The following BACH2 variants were observed in gnomAD, a reference collection of about 807,000 sequenced individuals.
The protein encoded by BACH2 is transcription regulator protein BACH2.
BACH2 carries 5 observed loss-of-function variants against 61.8 expected under a neutral mutation model. That is an observed-to-expected ratio of 0.08 (90% CI 0.04 to 0.17). BACH2 has a LOEUF of 0.17. BACH2 is among the 10% of genes least tolerant of loss of function. The pLI, the probability that BACH2 is intolerant of heterozygous loss-of-function variation, is 1.00. For missense variants in BACH2, 824 were observed against 1,091.1 expected, an observed-to-expected ratio of 0.76 and a Z score of 3.45; for synonymous variants, 446 against 440.1, an observed-to-expected ratio of 1.01 and a Z score of -0.17.
intron 5 of BACH2, among the ~76,000 whole-genome samples, chr6:90,013,211 T>C (rs2127782298): frequency 6.6e-6 from 1 of 152,332 alleles, no homozygotes; most frequent in East Asian, 1.9e-4. Flanking sequence ...ATGTTGTCTG[T>C]GAATAAAGAT....
At chr6:89,953,603 C>A (rs1190229808) in intron 6 of BACH2, among the ~76,000 whole-genome samples, 2 of 152,194 alleles carry the variant, frequency 1.3e-5, no homozygotes, top group Non-Finnish European at 2.9e-5. Context: ...TCCTTCAGAT[C>A]AGGAATGGTT....
chr6:90,252,023 C>A (rs1381645383), intron 3 of BACH2, among the ~76,000 whole-genome samples: 1 of 152,114 alleles, frequency 6.6e-6, no homozygotes, highest in Non-Finnish European at 1.5e-5. Context: ...TGACTATGCT[C>A]AAATACACTG....
chr6:89,986,607 G>T lies in BACH2; in HGVS notation c.243+21995C>A, dbSNP rs140636666. 6.6e-3 allele frequency among the ~76,000 whole-genome samples: 1,010 copies of T among 152,080 alleles called. 10 individuals are homozygous for T. Among genetic ancestry groups the T allele is most frequent in the Non-Finnish European group, 0.01 (703 of 67,972 alleles). On this transcript the variant is annotated intron_variant, in intron 6 of 8. Coordinates refer to ENST00000257749, the MANE Select transcript of BACH2 (RefSeq NM_021813.4). ...GTCACTAAATTTGAATGTTTAGGTG[G>T]CACTTAAAAAACCTTTCCACCCGCT... is the stretch of plus-strand genomic sequence containing the variant.
At chr6:90,006,640 C>A (rs537603819) in intron 6 of BACH2, among the ~76,000 whole-genome samples, 1 of 152,090 alleles carries the variant, frequency 6.6e-6, no homozygotes, top group South Asian at 2.1e-4. Flanking sequence ...TTTTGAGACA[C>A]GTTCTCACTC....
intron 4 of BACH2, among the ~76,000 whole-genome samples, chr6:90,098,290 C>A (rs1404984034): frequency 1.3e-5 from 2 of 151,790 alleles, no homozygotes; most frequent in African/African-American, 4.8e-5. Context: ...CCGCAACCCC[C>A]ACCCTTCCCT....
intron 3 of BACH2, among the ~76,000 whole-genome samples, chr6:90,214,266 C>T (rs1031832635): frequency 6.6e-6 from 1 of 152,038 alleles, no homozygotes; most frequent in Non-Finnish European, 1.5e-5. Flanking sequence ...GTTTACTAAC[C>T]ATGTCTTATT....
intron 5 of BACH2, among the ~76,000 whole-genome samples, chr6:90,081,542 A>G (rs1185223616): frequency 1.3e-5 from 2 of 152,190 alleles, no homozygotes; most frequent in Non-Finnish European, 2.9e-5. Flanking sequence ...GAAGAGCCAC[A>G]GAAATATTAA....
At chr6:89,970,276 T>G (rs1402890163) in intron 6 of BACH2, among the ~76,000 whole-genome samples, 1 of 152,190 alleles carries the variant, frequency 6.6e-6, no homozygotes, top group Non-Finnish European at 1.5e-5. Context: ...CTGTTCCCAG[T>G]TCTGTGCCCC....
intron 1 of BACH2, among the ~76,000 whole-genome samples, chr6:90,280,332 T>C (rs1486239467): frequency 6.6e-6 from 1 of 151,900 alleles, no homozygotes; most frequent in Admixed American, 6.6e-5. Flanking sequence ...CAACGTTATG[T>C]AATATTTTAA....
chr6:89,944,516 T>G (rs889941502), intron 7 of BACH2, among the ~76,000 whole-genome samples: 2 of 152,228 alleles, frequency 1.3e-5, no homozygotes, highest in African/African-American at 4.8e-5. Context: ...TTACAGACAC[T>G]TCTAAAAACT....
intron 3 of BACH2, among the ~76,000 whole-genome samples, chr6:90,234,499 A>C (rs1409092897): frequency 6.6e-6 from 1 of 152,232 alleles, no homozygotes; most frequent in East Asian, 1.9e-4. Flanking sequence ...CTGCTCACAG[A>C]GCTTCAGTCA....
intron 4 of BACH2, among the ~76,000 whole-genome samples, chr6:90,189,865 T>C (rs1023256838): frequency 1.3e-5 from 2 of 152,188 alleles, no homozygotes; most frequent in African/African-American, 2.4e-5. Context: ...ACAGAGACTA[T>C]GGCAGTGAAA....
rs893075119 is a variant in BACH2, at chr6:90,033,366, A to G, written c.-12-24510T>C. On this transcript the variant is annotated intron_variant, in intron 5 of 8. Coordinates refer to ENST00000257749, the MANE Select transcript of BACH2 (RefSeq NM_021813.4). ...GAAACTTAAATAAAAAAAAAAAAAAAAAAAGAAAATCAGACCAGCAGGAAG... is the reference window on the plus strand; with the variant it reads ...GAAACTTAAATAAAAAAAAAAAAAAGAAAAGAAAATCAGACCAGCAGGAAG... Among the ~76,000 whole-genome samples the G allele has an allele frequency of 1.5e-3, 232 of 152,032 alleles. 2 individuals are homozygous for G. The highest frequency in any genetic ancestry group is 5.8e-4 in the East Asian group (3 of 5,186).
At chr6:90,035,017 A>G (rs1001343941) in intron 5 of BACH2, among the ~76,000 whole-genome samples, 1 of 152,180 alleles carries the variant, frequency 6.6e-6, no homozygotes, top group African/African-American at 2.4e-5. Context: ...CACATTTGGT[A>G]TGTGACATAT....
At chr6:90,229,778 T>C (rs148443538) in intron 3 of BACH2, among the ~76,000 whole-genome samples, 3 of 152,298 alleles carry the variant, frequency 2.0e-5, no homozygotes, top group Admixed American at 6.5e-5. Flanking sequence ...GGCTTTGCGA[T>C]TTAGACTAGG....
chr6:90,080,238 A>C (rs1363617810), intron 5 of BACH2, among the ~76,000 whole-genome samples: 1 of 152,136 alleles, frequency 6.6e-6, no homozygotes, highest in African/African-American at 2.4e-5. Context: ...GGCTGTGAGG[A>C]GTGATTTTGC....
At chr6:90,120,246 T>A (rs1454403385) in intron 4 of BACH2, among the ~76,000 whole-genome samples, 1 of 150,568 alleles carries the variant, frequency 6.6e-6, no homozygotes, top group Non-Finnish European at 1.5e-5. Flanking sequence ...AGGTCCATGA[T>A]GGTCACCACT....
chr6:89,997,426 T>G (rs1281361845), intron 6 of BACH2, among the ~76,000 whole-genome samples: 1 of 152,244 alleles, frequency 6.6e-6, no homozygotes. Context: ...TCCACATTTT[T>G]AATCTTTCCA....
chr6:89,975,386 T>C (rs1362117012), intron 6 of BACH2, among the ~76,000 whole-genome samples: 1 of 152,220 alleles, frequency 6.6e-6, no homozygotes, highest in Non-Finnish European at 1.5e-5. Context: ...ACAATTTCAT[T>C]TTTTTCTTTG....
Sources: gnomAD v4.1 joint callset for allele counts (sites outside exome capture counted in the v4.1 genomes callset) on GRCh38, gnomAD v4.1.1 for gene constraint, MANE v1.5 for transcripts, NCBI Gene and HGNC (gene_info 2026-07-23, HGNC 2026-07-21) for gene names.